EBF1: variants seen among roughly 807,000 people sequenced by gnomAD.
EBF1 encodes transcription factor COE1.
EBF1 carries 10 observed loss-of-function variants against 68.4 expected under a neutral mutation model. That is an observed-to-expected ratio of 0.15 (90% CI 0.09 to 0.25). The LOEUF (loss-of-function observed/expected upper bound fraction) is 0.25. EBF1 is among the 10% of genes least tolerant of loss of function. The probability of loss-of-function intolerance (pLI) is 1.00; values close to 1 mark genes in which losing one functional copy is unlikely to be tolerated. For missense variants in EBF1, 509 were observed against 794.4 expected (o/e 0.64, Z 4.32); for synonymous variants, 298 against 299.8 (o/e 0.99, Z 0.06).
At chr5:158,845,705 G>GAA (rs374702772) in intron 6 of EBF1, among the ~76,000 whole-genome samples, 18,159 of 138,116 alleles carry the variant, frequency 0.13, 1,221 homozygotes, top group East Asian at 0.16. Context: ...CCTACAAAAA[G>GAA]AAAAAAAAAA....
At chr5:159,056,618 T>A (rs1048340674) in intron 6 of EBF1, among the ~76,000 whole-genome samples, 3 of 152,228 alleles carry the variant, frequency 2.0e-5, no homozygotes, top group Non-Finnish European at 4.4e-5. Context: ...GTGGTTTGAG[T>A]AGGAAGAAAT....
chr5:159,082,807 G>A (rs553172645), intron 5 of EBF1, among the ~76,000 whole-genome samples: 14 of 152,058 alleles, frequency 9.2e-5, no homozygotes, highest in Non-Finnish European at 1.6e-4. Flanking sequence ...TCTTAGCCAC[G>A]CAGTACAAAC....
At chr5:159,008,975 G>A (rs1214152221) in intron 6 of EBF1, among the ~76,000 whole-genome samples, 3 of 152,140 alleles carry the variant, frequency 2.0e-5, no homozygotes, top group Non-Finnish European at 4.4e-5. Context: ...GTAAGATGCT[G>A]GAAGTAGGAG....
chr5:158,861,472 G>A (rs1794949022), intron 6 of EBF1, among the ~76,000 whole-genome samples: 6 of 152,210 alleles, frequency 3.9e-5, no homozygotes, highest in Admixed American at 3.9e-4. Flanking sequence ...AAAAAGATCA[G>A]TAGAGAATTG....
intron 6 of EBF1, among the ~76,000 whole-genome samples, chr5:158,875,386 A>C (rs977272568): frequency 2.0e-5 from 3 of 152,234 alleles, no homozygotes; most frequent in Admixed American, 1.3e-4. Flanking sequence ...ATCAAAATTG[A>C]AACTGAAACC....
At chr5:159,048,453 C>T (rs1185009892) in intron 6 of EBF1, among the ~76,000 whole-genome samples, 4 of 152,188 alleles carry the variant, frequency 2.6e-5, no homozygotes, top group African/African-American at 4.8e-5. Context: ...TGCACACCAG[C>T]ACCCTGGGAC....
chr5:158,827,453 T>C (rs1384078910), intron 7 of EBF1, among the ~76,000 whole-genome samples: 2 of 152,220 alleles, frequency 1.3e-5, no homozygotes, highest in Non-Finnish European at 2.9e-5. Flanking sequence ...GGCTTTATTA[T>C]AACTAAATGA....
chr5:158,785,851 T>C (rs1777323613), intron 9 of EBF1, among the ~76,000 whole-genome samples: 1 of 152,144 alleles, frequency 6.6e-6, no homozygotes, highest in Non-Finnish European at 1.5e-5. Flanking sequence ...TAGACTCAGA[T>C]GGATGGTAGA....
At chr5:158,764,929 T>G (rs1248698455) in intron 10 of EBF1, among the ~76,000 whole-genome samples, 1 of 152,050 alleles carries the variant, frequency 6.6e-6, no homozygotes, top group Admixed American at 6.6e-5. Context: ...CACCTGAAAA[T>G]GGGGCTAAAA....
At chr5:159,095,536 C>T (rs1782441299) in intron 4 of EBF1, 84 bp downstream of exon 4, 8 of 1,526,768 alleles carry the variant, frequency 5.2e-6, no homozygotes, top group Non-Finnish European at 7.2e-6. Flanking sequence ...AGTCCCAGCC[C>T]ACCTGCGGTG....
intron 10 of EBF1, among the ~76,000 whole-genome samples, chr5:158,759,642 C>A (rs1044548013): frequency 1.3e-5 from 2 of 152,120 alleles, no homozygotes; most frequent in African/African-American, 4.8e-5. Flanking sequence ...GTATACTGTA[C>A]AAATTCTAAG....
At chr5:159,076,440 G>T (rs1407180352) in intron 5 of EBF1, among the ~76,000 whole-genome samples, 1 of 152,058 alleles carries the variant, frequency 6.6e-6, no homozygotes, top group African/African-American at 2.4e-5. Flanking sequence ...ACTTAAGCAC[G>T]GTCGTCATCT....
chr5:159,091,040 T>C (rs1781530699), intron 4 of EBF1, among the ~76,000 whole-genome samples: 1 of 152,228 alleles, frequency 6.6e-6, no homozygotes, highest in Admixed American at 6.5e-5. Flanking sequence ...AATTCACCAA[T>C]GTCCAAACAC....
At chr5:158,836,318 T>A (rs1384465485) in intron 7 of EBF1, among the ~76,000 whole-genome samples, 1 of 151,954 alleles carries the variant, frequency 6.6e-6, no homozygotes, top group Non-Finnish European at 1.5e-5. Flanking sequence ...AGAGAGCCTA[T>A]AAAATGGGGA....
At chr5:159,014,782 C>T (rs1765346714) in intron 6 of EBF1, among the ~76,000 whole-genome samples, 1 of 152,204 alleles carries the variant, frequency 6.6e-6, no homozygotes. Flanking sequence ...CAAGCCGTAT[C>T]ATTAAGAGGA....
chr5:158,900,779 C>T (rs1333484360), intron 6 of EBF1, among the ~76,000 whole-genome samples: 1 of 152,220 alleles, frequency 6.6e-6, no homozygotes, highest in Non-Finnish European at 1.5e-5. Context: ...ATCCTTACCG[C>T]ATTCCAAATA....
At chr5:159,039,256 T>A (rs560266111) in intron 6 of EBF1, among the ~76,000 whole-genome samples, 1 of 152,350 alleles carries the variant, frequency 6.6e-6, no homozygotes, top group South Asian at 2.1e-4. Context: ...TGTATAACTC[T>A]ATGCATTAAA....
rs558895909 is a variant in EBF1, at chr5:158,922,595, C to T, written c.555-82485G>A. ...GTACAGTAGCCAATTAAATTACACA[C>T]AGCAGATCTAAGGGTTGGAAAAGTA... On this transcript the variant is annotated intron_variant, in intron 6 of 15. Transcript: ENST00000313708. Among the ~76,000 whole-genome samples, 5 of 152,316 alleles carry T rather than the reference C, an allele frequency of 3.3e-5. No homozygotes were observed. The South Asian group carries it at 1.0e-3, about 32-fold the overall frequency.
chr5:158,899,710 C>T (rs777488670), intron 6 of EBF1, among the ~76,000 whole-genome samples: 38 of 152,236 alleles, frequency 2.5e-4, no homozygotes, highest in Non-Finnish European at 5.0e-4. Context: ...GACAACTACA[C>T]AGCCAAGCCT....
Sources: gnomAD v4.1 joint callset for allele counts (sites outside exome capture counted in the v4.1 genomes callset) on GRCh38, gnomAD v4.1.1 for gene constraint, MANE v1.5 for transcripts, NCBI Gene and HGNC (gene_info 2026-07-23, HGNC 2026-07-21) for gene names.